The following CSMD2 variants were observed in gnomAD, a reference collection of about 807,000 sequenced individuals.
The protein encoded by CSMD2 is CUB and Sushi multiple domains 2.
CSMD2 carries 130 observed loss-of-function variants against 398.5 expected under a neutral mutation model. That is an observed-to-expected ratio of 0.33 (90% CI 0.28 to 0.38). The LOEUF (loss-of-function observed/expected upper bound fraction) is 0.38, where lower values mean the gene tolerates loss of function less well. CSMD2 is among the 10% of genes least tolerant of loss of function. The pLI is 1.00. For synonymous variants in CSMD2, 1,828 were observed against 1,908.5 expected (o/e 0.96, Z 1.10); for missense variants, 3,829 against 4,764.9 (o/e 0.80, Z 5.78).
rs760742494 is a variant in CSMD2, at chr1:33,636,309, C to T, written c.4969+51G>A. 26 of 1,508,008 alleles carry T rather than the reference C, an allele frequency of 1.7e-5. No homozygotes were observed. In the Admixed American group the frequency reaches 5.2e-4, roughly 30 times the overall value. 93.4% of individuals were successfully genotyped at this position (1,508,008 alleles called of 1,614,324 possible). A position where few individuals can be genotyped will look rare whatever the true frequency, so the allele number is the denominator to read the frequency against. The stretch of plus-strand genomic sequence containing the variant: ...CCCCAGCCCACAGCACCCTCTGCCC[C>T]TGGCATGCCCTCAGTTCCTCAGACC... On this transcript the variant is annotated intron_variant, in intron 30 of 70. Coordinates refer to ENST00000373381, the MANE Select transcript of CSMD2 (RefSeq NM_001281956.2). This position sits in a 1 kb window ranked among gnomAD's most constrained non-coding sequence, Gnocchi z 4.8.
At chr1:34,037,123 T>A (rs1043153594) in intron 2 of CSMD2, among the ~76,000 whole-genome samples, 1 of 151,916 alleles carries the variant, frequency 6.6e-6, no homozygotes, top group Non-Finnish European at 1.5e-5. Flanking sequence ...AAAATTAAAT[T>A]TAATAAGTTT....
intron 3 of CSMD2, among the ~76,000 whole-genome samples, chr1:33,949,178 C>A (rs909571436): frequency 6.6e-6 from 1 of 152,190 alleles, no homozygotes; most frequent in African/African-American, 2.4e-5. Flanking sequence ...AGGATTAAGT[C>A]CAATAAACCA....
intron 15 of CSMD2, among the ~76,000 whole-genome samples, chr1:33,731,051 G>C (rs1571373974): frequency 6.6e-6 from 1 of 152,090 alleles, no homozygotes; most frequent in South Asian, 2.1e-4. Context: ...ACTTCAAAAG[G>C]CTCCCACTAG....
At position 33,935,917 on chromosome 1, in the gene CSMD2, C is replaced by A. The variant is rs2125327928; in HGVS notation, c.555G>T (p.Leu185=). 6.2e-7 allele frequency: 1 copy of A among 1,613,226 alleles called. No homozygotes were observed. The highest frequency in any genetic ancestry group is 8.5e-7 in the Non-Finnish European group (1 of 1,179,508). ...TTGAACCCTGCTGGATGCCATTGGG[C>A]AGCCTCCCTGGGTTCCCACATGTGT... ...PSHTCGNPGR[L]PNGIQQGSTF... is the part of the protein sequence containing the mutation. The change falls in exon 4 of 71, where the codon CTG becomes CTT. Residue 185 remains leucine, a synonymous_variant. Transcript: ENST00000373381.
intron 25 of CSMD2, among the ~76,000 whole-genome samples, chr1:33,685,053 C>A (rs1333599300): frequency 1.3e-5 from 2 of 152,236 alleles, no homozygotes; most frequent in Admixed American, 1.3e-4. Context: ...AGGACAGTAT[C>A]TCTAAGGATA....
intron 15 of CSMD2, among the ~76,000 whole-genome samples, chr1:33,728,002 T>C (rs1646595262): frequency 6.6e-6 from 1 of 152,140 alleles, no homozygotes; most frequent in Non-Finnish European, 1.5e-5. Context: ...CAAAACAAAA[T>C]CCCCTGTGAG....
chr1:33,980,535 G>A (rs1031223871), intron 3 of CSMD2, among the ~76,000 whole-genome samples: 6 of 152,162 alleles, frequency 3.9e-5, no homozygotes, highest in Admixed American at 2.6e-4. Context: ...CAGGTACACA[G>A]TAAGCACTCA....
chr1:33,893,050 A>G (rs1462668673), intron 5 of CSMD2, among the ~76,000 whole-genome samples: 1 of 152,248 alleles, frequency 6.6e-6, no homozygotes, highest in African/African-American at 2.4e-5. Context: ...TGTATAATAA[A>G]TTGATGATGC....
chr1:33,923,213 C>A (rs1644010448), intron 4 of CSMD2, among the ~76,000 whole-genome samples: 2 of 152,118 alleles, frequency 1.3e-5, no homozygotes, highest in Admixed American at 6.5e-5. Context: ...ATCTCCAATA[C>A]TGGAGGTGGG....
chr1:33,749,086 A>C (rs80072964), intron 13 of CSMD2, among the ~76,000 whole-genome samples: 2,667 of 146,626 alleles, frequency 0.018, 106 homozygotes, highest in South Asian at 0.07. Context: ...CTATCAATAC[A>C]GACTTCTTTT....
intron 1 of CSMD2, among the ~76,000 whole-genome samples, chr1:34,143,531 C>G (rs1639494264): frequency 6.6e-6 from 1 of 152,188 alleles, no homozygotes; most frequent in Non-Finnish European, 1.5e-5. Flanking sequence ...TATCTGTCCA[C>G]TCTGCAGGTG....
chr1:34,055,071 C>A (rs1165209239), intron 2 of CSMD2, among the ~76,000 whole-genome samples: 1 of 152,110 alleles, frequency 6.6e-6, no homozygotes, highest in Non-Finnish European at 1.5e-5. Flanking sequence ...AGCTCTGCCT[C>A]CCCCTGGCAT....
chr1:33,818,755 A>G (rs1191350590), intron 9 of CSMD2, among the ~76,000 whole-genome samples: 1 of 152,310 alleles, frequency 6.6e-6, no homozygotes, highest in East Asian at 1.9e-4. Context: ...ACTCTTCTAG[A>G]TTACTTATGG....
intron 3 of CSMD2, among the ~76,000 whole-genome samples, chr1:33,947,624 G>A (rs985278249): frequency 6.6e-6 from 1 of 152,160 alleles, no homozygotes; most frequent in Non-Finnish European, 1.5e-5. Context: ...GGGGCCCAAA[G>A]AGGAACTGAG....
chr1:34,144,273 G>A (rs1639571694), intron 1 of CSMD2, among the ~76,000 whole-genome samples: 1 of 152,170 alleles, frequency 6.6e-6, no homozygotes. Flanking sequence ...GCAGTGTTAG[G>A]AGAGAACATG....
chr1:33,554,892 GA>G (rs778305028), intron 55 of CSMD2, among the ~76,000 whole-genome samples: 13 of 152,188 alleles, frequency 8.5e-5, no homozygotes, highest in Admixed American at 3.3e-4. Flanking sequence ...AGATGTACAG[GA>G]ATTGAATGTT....
intron 3 of CSMD2, among the ~76,000 whole-genome samples, chr1:34,003,948 C>G (rs1284313185): frequency 6.6e-6 from 1 of 152,196 alleles, no homozygotes; most frequent in African/African-American, 2.4e-5. Context: ...GCCCTGCCCC[C>G]ATCCCATGTG....
In CSMD2 at chr1:34,078,527, C is replaced by T. The variant is rs898746351; in HGVS notation, c.404+10450G>A. ...AAACAATGTTTCCGGACCACGTAAGCATCTATAGCTGGTGGCTCACATACA... is the reference window on the plus strand; with the variant it reads ...AAACAATGTTTCCGGACCACGTAAGTATCTATAGCTGGTGGCTCACATACA... On this transcript the variant is annotated intron_variant, in intron 2 of 70. Coordinates refer to ENST00000373381, the MANE Select transcript of CSMD2 (RefSeq NM_001281956.2). 1.2e-4 allele frequency among the ~76,000 whole-genome samples: 19 copies of T among 152,182 alleles called. No homozygotes were observed. The East Asian group carries it at 3.7e-3, about 29-fold the overall frequency.
chr1:33,944,106 T>C (rs772347472), intron 3 of CSMD2, among the ~76,000 whole-genome samples: 49 of 152,174 alleles, frequency 3.2e-4, no homozygotes, highest in Non-Finnish European at 4.4e-4. Flanking sequence ...AGGCAATATG[T>C]GTTCTAACCA....
Sources: allele counts gnomAD v4.1 joint callset (sites outside exome capture counted in the v4.1 genomes callset), GRCh38; gene constraint gnomAD v4.1.1; non-coding constraint Gnocchi (gnomAD v3.1); transcripts MANE v1.5; gene names NCBI Gene and HGNC (gene_info 2026-07-23, HGNC 2026-07-21).